STAB2: variants seen among roughly 807,000 people sequenced by gnomAD.
The protein encoded by STAB2 is stabilin-2.
Under a neutral mutation model 338.1 loss-of-function variants are expected in STAB2, and 288 were observed. That is an observed-to-expected ratio of 0.85 (90% CI 0.77 to 0.94). The LOEUF (loss-of-function observed/expected upper bound fraction) is 0.94, where lower values mean the gene tolerates loss of function less well. STAB2 is among the 40% of genes least tolerant of loss of function. The pLI, the probability that STAB2 is intolerant of heterozygous loss-of-function variation, is 0.00. For synonymous variants in STAB2, 1,202 were observed against 1,193.3 expected (o/e 1.01, Z -0.15); for missense variants, 3,141 against 3,210.1 (o/e 0.98, Z 0.52).
chr12:103,717,656 A>C (rs1248591728), intron 43 of STAB2, 114 bp from the exon 44 acceptor site: 1 of 793,288 alleles, frequency 1.3e-6, no homozygotes, highest in Non-Finnish European at 2.1e-6. Flanking sequence ...CGTCAAATAG[A>C]GACTCTCCTA....
At chr12:103,751,749 A>G (rs1437401240) in intron 60 of STAB2, among the ~76,000 whole-genome samples, 2 of 152,182 alleles carry the variant, frequency 1.3e-5, no homozygotes, top group Non-Finnish European at 2.9e-5. Flanking sequence ...GCCCACTTCC[A>G]AGTGGAAATC....
Position 103,660,670 on chromosome 12 carries a change from C to T in STAB2, c.1789-13C>T. 1 of 1,614,046 alleles carries T rather than the reference C, an allele frequency of 6.2e-7. No individual in the cohort carries two copies. The stretch of plus-strand genomic sequence containing the variant: ...CCCAAATATCTCTGCCTTTTGTTCT[C>T]TTCTTATTGCAGCTTGAAGTGGCCA... On this transcript the variant is annotated splice_polypyrimidine_tract_variant and intron_variant, in intron 16 of 68. Transcript: ENST00000388887.
chr12:103,763,503 C>T lies in STAB2; in HGVS notation c.7500C>T (p.Asp2500=), dbSNP rs1164888048. Residue 2500 remains aspartate, a synonymous_variant, in exon 68 of 69, where the codon GAC becomes GAT. Coordinates refer to ENST00000388887, the MANE Select transcript of STAB2 (RefSeq NM_017564.10). ...IGFQHFESEE[D]INVAALGKQQ... ...GTCTTTCCAAACAGTCGGAAGAGGA[C>T]ATTAATGTTGCAGCTCTTGGCAAGC... The T allele has an allele frequency of 1.9e-6, 3 of 1,613,934 alleles. No homozygotes were observed. Among genetic ancestry groups the T allele is most frequent in the East Asian group, 4.5e-5 (2 of 44,884 alleles).
chr12:103,730,745 G>A (rs1306586483), intron 49 of STAB2, among the ~76,000 whole-genome samples: 1 of 152,092 alleles, frequency 6.6e-6, no homozygotes, highest in Non-Finnish European at 1.5e-5. Context: ...AGCCCAAGGA[G>A]GTCTACAAAG....
intron 25 of STAB2, among the ~76,000 whole-genome samples, chr12:103,677,946 A>G (rs1454390854): frequency 6.6e-6 from 1 of 152,198 alleles, no homozygotes; most frequent in East Asian, 1.9e-4. Flanking sequence ...TGTATTGATC[A>G]CTTTCACTCA....
At chr12:103,765,446 A>T (rs1884870339) in intron 68 of STAB2, among the ~76,000 whole-genome samples, 3 of 152,344 alleles carry the variant, frequency 2.0e-5, no homozygotes, top group African/African-American at 7.2e-5. Context: ...GACTCCAGAC[A>T]CATTTACCAC....
At position 103,621,155 on chromosome 12, in the gene STAB2, A is replaced by G. The variant is rs190598875; in HGVS notation, c.417+602A>G. Among the ~76,000 whole-genome samples the G allele has an allele frequency of 1.3e-4, 20 of 152,314 alleles. 1 individual carries two copies. The highest frequency in any genetic ancestry group is 4.8e-4 in the African/African-American group (20 of 41,574). On this transcript the variant is annotated intron_variant, in intron 4 of 68. Transcript: ENST00000388887. ...TCTATGTAATAACATTTGTTGAAAA[A>G]GTAAAATGAGGCCATATATGTGAAA... is the stretch of plus-strand genomic sequence containing the variant.
chr12:103,636,660 A>G (rs1388677531), intron 6 of STAB2, among the ~76,000 whole-genome samples: 1 of 152,086 alleles, frequency 6.6e-6, no homozygotes, highest in Non-Finnish European at 1.5e-5. Context: ...GAAGTTTTGT[A>G]TCTTCTACCA....
rs950419288 is a variant in STAB2, at chr12:103,629,843, A to G, written c.488-1755A>G. ...TGATGGCAGAGACTTTGTCCTGTTT[A>G]TTTTTGGGCATTAATCTCTAGTGCA... On this transcript the variant is annotated intron_variant, in intron 5 of 68. Transcript: ENST00000388887. 1.2e-4 allele frequency among the ~76,000 whole-genome samples: 19 copies of G among 152,252 alleles called. 3 individuals carry two copies. The highest frequency in any genetic ancestry group is 3.9e-4 in the Admixed American group (6 of 15,304).
intron 27 of STAB2, 41 bp downstream of exon 27, chr12:103,685,125 C>T (rs745626562): frequency 1.9e-5 from 30 of 1,570,018 alleles, no homozygotes; most frequent in Non-Finnish European, 2.5e-5. Flanking sequence ...AGACAAAACC[C>T]TTTAAAAACC....
Position 103,698,777 on chromosome 12 carries a change from A to T in STAB2, c.3583-319A>T, listed in dbSNP as rs557653559. On this transcript the variant is annotated intron_variant, in intron 33 of 68. Transcript: ENST00000388887. ...GTGAAAGGCAGGCTGGGGTGTGGGGACTCTAACTTCTCAGTAGTTCTGCCC... is the reference window on the plus strand; with the variant it reads ...GTGAAAGGCAGGCTGGGGTGTGGGGTCTCTAACTTCTCAGTAGTTCTGCCC... Among the ~76,000 whole-genome samples, 6 of 151,962 alleles carry T rather than the reference A, an allele frequency of 3.9e-5. No homozygotes were observed. In the East Asian group the frequency reaches 1.2e-3, roughly 29 times the overall value.
chr12:103,758,081 A>T, intron 63 of STAB2, 89 bp from the exon 64 acceptor site: 1 of 1,573,264 alleles, frequency 6.4e-7, no homozygotes, highest in Non-Finnish European at 8.6e-7. Flanking sequence ...GAATATTCAC[A>T]GATGGGTGAT....
chr12:103,749,665 T>TA (rs1286276019), intron 59 of STAB2, among the ~76,000 whole-genome samples: 2 of 123,802 alleles, frequency 1.6e-5, no homozygotes, highest in South Asian at 2.5e-4. Context: ...CCATGTCTAC[T>TA]AAAAAAATGC....
chr12:103,608,785 G>A lies in STAB2; in HGVS notation c.332-11683G>A, dbSNP rs1957074846. On this transcript the variant is annotated intron_variant, in intron 3 of 68. Coordinates refer to ENST00000388887, the MANE Select transcript of STAB2 (RefSeq NM_017564.10). ...CCATGCCTATGTCCTGAATGGTATT[G>A]CCTAGGTTTTCTTCTAGGGTTTTTA... 3.9e-5 allele frequency among the ~76,000 whole-genome samples: 6 copies of A among 152,252 alleles called. No individual in the cohort carries two copies. The South Asian group carries it at 1.2e-3, about 32-fold the overall frequency.
At chr12:103,660,535 G>A (rs865943794) in intron 16 of STAB2, 148 bp from the exon 17 acceptor site, 34 of 1,251,806 alleles carry the variant, frequency 2.7e-5, no homozygotes, top group Middle Eastern at 3.8e-4. Flanking sequence ...TTATCAGAGC[G>A]ATCTTCAAAG....
At position 103,652,541 on chromosome 12, in the gene STAB2, G is replaced by C; in HGVS notation, c.1258-15G>C. On this transcript the variant is annotated splice_polypyrimidine_tract_variant and intron_variant, in intron 11 of 68. Coordinates refer to ENST00000388887, the MANE Select transcript of STAB2 (RefSeq NM_017564.10). Reference sequence around the variant, plus strand: ...TCTTCTTCAAATAATAGTAAAATTGGCTCTTCTCTCTTAGGTAAATGAGCT... The same window carrying C: ...TCTTCTTCAAATAATAGTAAAATTGCCTCTTCTCTCTTAGGTAAATGAGCT... 1 of 1,534,756 alleles carries C rather than the reference G, an allele frequency of 6.5e-7. No homozygotes were observed. The highest frequency in any genetic ancestry group is 1.4e-5 in the African/African-American group (1 of 71,936).
chr12:103,753,308 A>G lies in STAB2; in HGVS notation c.6669A>G (p.Glu2223=), dbSNP rs149932161. ...FDKAREACAN[E]AATMATYNQL... is the part of the protein sequence containing the mutation. ...AAGCCAGAGAGGCCTGTGCCAACGA[A>G]GCTGCGACCATGGCAACCTACAACC... The change falls in exon 61 of 69, where the codon GAA becomes GAG. Residue 2223 remains glutamate, a synonymous_variant. Transcript: ENST00000388887. 9 of 1,614,112 alleles carry G rather than the reference A, an allele frequency of 5.6e-6. No homozygotes were observed. In the African/African-American group the frequency reaches 1.2e-4, roughly 22 times the overall value.
rs541895073 is a variant in STAB2 at position 103,673,286 on chromosome 12, C to T, written c.2372-621C>T. ...TTCCTTGGCCTCTTTCAAAGCGTCA[C>T]ATCCTCTTCCCCACACCCCACACAC... is the stretch of plus-strand genomic sequence containing the variant. On this transcript the variant is annotated intron_variant, in intron 22 of 68. Transcript: ENST00000388887. Among the ~76,000 whole-genome samples, 397 of 152,200 alleles carry T rather than the reference C, an allele frequency of 2.6e-3. 7 individuals are homozygous for T. The highest frequency in any genetic ancestry group is 9.4e-3 in the African/African-American group (390 of 41,528).
chr12:103,681,566 A>G (rs894715659), intron 25 of STAB2, among the ~76,000 whole-genome samples: 3 of 149,142 alleles, frequency 2.0e-5, no homozygotes, highest in African/African-American at 5.0e-5. Context: ...CTTCACGTTC[A>G]GATGTTGTTC....
Sources: allele counts gnomAD v4.1 joint callset (sites outside exome capture counted in the v4.1 genomes callset), GRCh38; gene constraint gnomAD v4.1.1; transcripts MANE v1.5; gene names NCBI Gene and HGNC (gene_info 2026-07-23, HGNC 2026-07-21).